The following GNPAT variants were observed in gnomAD, a reference collection of about 807,000 sequenced individuals.
The protein encoded by GNPAT is glyceronephosphate O-acyltransferase, also known as dihydroxyacetone phosphate acyltransferase.
In GNPAT, 30 loss-of-function variants were observed where a neutral mutation model predicts 78.4. That is an observed-to-expected ratio of 0.38 (90% CI 0.29 to 0.52). GNPAT has a LOEUF of 0.52. Among genes scored for constraint, GNPAT ranks in the 20% least tolerant of loss-of-function variants. The pLI is 0.84. For synonymous variants in GNPAT, 271 were observed against 281.1 expected, an observed-to-expected ratio of 0.96 and a Z score of 0.36; for missense variants, 714 against 812.2, an observed-to-expected ratio of 0.88 and a Z score of 1.47.
Position 231,262,769 on chromosome 1 carries a change from A to T in GNPAT, c.485A>T (p.His162Leu). ...CATCCTGTTGTTCTGCTGCCTAGTC[A>T]TCGAAGTTACATTGACTTCCTCATG... ...QEHPVVLLPS[H>L]RSYIDFLMLS... Residue 162 changes from histidine (H) to leucine (L), a missense_variant, in exon 4 of 16, where the codon CAT becomes CTT. By Grantham distance (99) the His-to-Leu change is moderately conservative. Transcript: ENST00000366647. 9.9e-6 allele frequency: 16 copies of T among 1,608,102 alleles called. No individual in the cohort carries two copies. Among genetic ancestry groups the T allele is most frequent in the Non-Finnish European group, 1.4e-5 (16 of 1,174,524 alleles).
chr1:231,241,241 A>G lies in GNPAT; in HGVS notation c.-138A>G, dbSNP rs1177531269. The G allele has an allele frequency of 3.4e-6, 5 of 1,470,212 alleles. No individual in the cohort carries two copies. Among genetic ancestry groups the G allele is most frequent in the Non-Finnish European group, 2.9e-6 (3 of 1,051,882 alleles). The allele number at this position is 1,470,212 out of a possible 1,614,324, so 91.1% of individuals were successfully genotyped here. A position where few individuals can be genotyped will look rare whatever the true frequency, so the allele number is the denominator to read the frequency against. Reference sequence around the variant, plus strand: ...CCTGGCTGAGATGGCGGCGCCCGGGATCCTGTGTAGCGGCTGCAGAGGGTG... The same window carrying G: ...CCTGGCTGAGATGGCGGCGCCCGGGGTCCTGTGTAGCGGCTGCAGAGGGTG... On this transcript the variant is annotated 5_prime_UTR_variant, in exon 1 of 16. Transcript: ENST00000366647.
chr1:231,257,619 T>G (rs4658910), intron 2 of GNPAT, among the ~76,000 whole-genome samples: 4,434 of 152,276 alleles, frequency 0.029, 159 homozygotes, highest in Admixed American at 0.1. Context: ...CTTCTCAGAG[T>G]TGAACCTTCA....
At chr1:231,260,903 A>G (rs1332030662) in intron 3 of GNPAT, among the ~76,000 whole-genome samples, 3 of 152,136 alleles carry the variant, frequency 2.0e-5, no homozygotes, top group Non-Finnish European at 4.4e-5. Context: ...TTTCCTTTTA[A>G]CTGCAGACCT....
Position 231,241,432 on chromosome 1 carries a change from C to T in GNPAT, c.54C>T (p.Pro18=). 1 of 1,613,640 alleles carries T rather than the reference C, an allele frequency of 6.2e-7. No homozygotes were observed. The highest frequency in any genetic ancestry group is 1.3e-5 in the African/African-American group (1 of 75,032). The change falls in exon 1 of 16, where the codon CCC becomes CCT. Residue 18 remains proline (P), a synonymous_variant. Transcript: ENST00000366647. ...ATTTCTCCGTTGGCCCAACCAGTCC[C>T]AGCGCTGTCGTGCTCCTCTACTCGG... is the stretch of plus-strand genomic sequence containing the variant. ...NSYFSVGPTS[P]SAVVLLYSKE... is the part of the protein sequence containing the mutation.
chr1:231,257,176 A>T (rs1685089642), intron 2 of GNPAT, among the ~76,000 whole-genome samples: 1 of 152,068 alleles, frequency 6.6e-6, no homozygotes, highest in Non-Finnish European at 1.5e-5. Context: ...TGTGTTGTTG[A>T]TCTATTCATT....
rs765206212 is a variant in GNPAT, at chr1:231,241,361, C to T, written c.-18C>T. The stretch of plus-strand genomic sequence containing the variant: ...TTAGCAAAGAATCCCAGACCCCGCC[C>T]GGGAAGGCAGCCGCACCATGGAGTC... On this transcript the variant is annotated 5_prime_UTR_variant, in exon 1 of 16. Coordinates refer to ENST00000366647, the MANE Select transcript of GNPAT (RefSeq NM_014236.4). 37 of 1,604,558 alleles carry T rather than the reference C, an allele frequency of 2.3e-5. No individual in the cohort carries two copies. In the Middle Eastern group the frequency reaches 5.0e-4, roughly 21 times the overall value.
chr1:231,249,367 A>G (rs1265374130), intron 1 of GNPAT, among the ~76,000 whole-genome samples: 1 of 152,178 alleles, frequency 6.6e-6, no homozygotes, highest in Non-Finnish European at 1.5e-5. Context: ...CTCCTCATAA[A>G]TGCTATTTGC....
chr1:231,246,780 A>T (rs1033329426), intron 1 of GNPAT, among the ~76,000 whole-genome samples: 4 of 152,348 alleles, frequency 2.6e-5, no homozygotes, highest in South Asian at 4.1e-4. Flanking sequence ...GCACTCACAG[A>T]CCAAATTAAT....
intron 3 of GNPAT, 44 bp downstream of exon 3, chr1:231,260,727 CTTAAAA>C (rs774304652): frequency 2.5e-5 from 30 of 1,222,404 alleles, no homozygotes; most frequent in South Asian, 2.1e-4. Context: ...AAAGTCTCAT[CTTAAAA>C]TTAAACAAAA....
rs772650960 is a variant in GNPAT at position 231,270,936 on chromosome 1, C to T, written c.1458C>T (p.Leu486=). 92 of 1,613,966 alleles carry T rather than the reference C, an allele frequency of 5.7e-5. No individual in the cohort carries two copies. Among genetic ancestry groups the T allele is most frequent in the Non-Finnish European group, 7.5e-5 (89 of 1,179,952 alleles). The change falls in exon 10 of 16, where the codon CTC becomes CTT. Residue 486 remains leucine, a synonymous_variant. Coordinates refer to ENST00000366647, the MANE Select transcript of GNPAT (RefSeq NM_014236.4). The stretch of plus-strand genomic sequence containing the variant: ...GCTCAGCTTATAGGAACCAGCTGCT[C>T]AACATTTTTGTGCGCCCATCCTTAG... The part of the protein sequence containing the change: ...LMCSAYRNQL[L]NIFVRPSLVA...
chr1:231,275,536 CAAGG>C (rs1685688742), intron 14 of GNPAT, 38 bp downstream of exon 14: 1 of 1,117,126 alleles, frequency 9.0e-7, no homozygotes, highest in Admixed American at 1.7e-5. Flanking sequence ...GCTCAAGGAA[CAAGG>C]AAATGAATGA....
At chr1:231,260,897 C>T (rs529990274) in intron 3 of GNPAT, among the ~76,000 whole-genome samples, 2 of 152,168 alleles carry the variant, frequency 1.3e-5, no homozygotes, top group East Asian at 1.9e-4. Flanking sequence ...TTTTTGTTTC[C>T]TTTTAACTGC....
intron 2 of GNPAT, among the ~76,000 whole-genome samples, chr1:231,255,724 T>C (rs1685036793): frequency 3.3e-5 from 5 of 152,128 alleles, no homozygotes; most frequent in Admixed American, 3.3e-4. Flanking sequence ...TGTGAGCCAC[T>C]GTACCTGGCT....
intron 4 of GNPAT, among the ~76,000 whole-genome samples, 178 bp downstream of exon 4, chr1:231,263,030 G>A (rs1049875850): frequency 2.6e-5 from 4 of 152,182 alleles, no homozygotes; most frequent in African/African-American, 9.7e-5. Context: ...TGCCTGAACA[G>A]ACATCTGCAG....
intron 2 of GNPAT, among the ~76,000 whole-genome samples, chr1:231,252,179 G>T (rs1684917389): frequency 6.6e-6 from 1 of 152,200 alleles, no homozygotes; most frequent in Non-Finnish European, 1.5e-5. Context: ...TAATCCCTTT[G>T]TGCAGTCATA....
intron 1 of GNPAT, among the ~76,000 whole-genome samples, chr1:231,244,604 G>A (rs1015126653): frequency 6.6e-6 from 1 of 152,184 alleles, no homozygotes; most frequent in Non-Finnish European, 1.5e-5. Flanking sequence ...AGTTTGTGAT[G>A]TAAGAGAGAA....
chr1:231,276,805 G>A (rs548541603), intron 15 of GNPAT, among the ~76,000 whole-genome samples: 5 of 152,262 alleles, frequency 3.3e-5, no homozygotes, highest in South Asian at 2.1e-4. Context: ...GCAATGATGC[G>A]GCCATTTTAG....
chr1:231,255,442 T>G (rs189858629), intron 2 of GNPAT, among the ~76,000 whole-genome samples: 116 of 152,178 alleles, frequency 7.6e-4, no homozygotes, highest in African/African-American at 2.4e-3. Flanking sequence ...TGTTATTCTT[T>G]AGAGACAGGA....
At chr1:231,267,481 C>G (rs1305028806) in intron 8 of GNPAT, among the ~76,000 whole-genome samples, 199 bp from the exon 9 acceptor site, 1 of 152,018 alleles carries the variant, frequency 6.6e-6, no homozygotes, top group African/African-American at 2.4e-5. Flanking sequence ...GTATTTTTAC[C>G]ATCTCTCAAG....
Sources: allele counts gnomAD v4.1 joint callset (sites outside exome capture counted in the v4.1 genomes callset), GRCh38; gene constraint gnomAD v4.1.1; transcripts MANE v1.5; gene names NCBI Gene and HGNC (gene_info 2026-07-23, HGNC 2026-07-21).